The following SLC44A5 variants were observed in gnomAD, a reference collection of about 807,000 sequenced individuals.
SLC44A5 encodes the protein choline transporter-like protein 5.
A neutral mutation model predicts 101.8 loss-of-function variants in SLC44A5; 57 were observed. That is an observed-to-expected ratio of 0.56 (90% CI 0.45 to 0.70). SLC44A5 has a LOEUF of 0.70. Ranked by LOEUF, SLC44A5 falls within the 30% of genes least tolerant of loss-of-function variation. SLC44A5 has a pLI of 0.00. For missense variants in SLC44A5, 737 were observed against 853.1 expected, an observed-to-expected ratio of 0.86 and a Z score of 1.70; for synonymous variants, 281 against 290.9, an observed-to-expected ratio of 0.97 and a Z score of 0.35.
chr1:75,338,771 A>G (rs1657643428), intron 4 of SLC44A5, among the ~76,000 whole-genome samples: 1 of 152,236 alleles, frequency 6.6e-6, no homozygotes, highest in Non-Finnish European at 1.5e-5. Flanking sequence ...ACAGGGACAT[A>G]ACAGTAAATG....
At chr1:75,640,880 A>G in the SLC44A5 span, among the ~76,000 whole-genome samples, 1 of 152,218 alleles carries the variant, frequency 6.6e-6, no homozygotes, top group South Asian at 2.1e-4. Flanking sequence ...TTCAGAGTAC[A>G]TGAATTTTTT....
Position 75,247,221 on chromosome 1 carries a change from G to T in SLC44A5, c.345+3989C>A, listed in dbSNP as rs955207985. ...AATAGTTTGGCTCAGGGTACATTTT[G>T]GAGGGAGACCTAAGGAGAGCTCAAA... On this transcript the variant is annotated intron_variant, in intron 7 of 23. Coordinates refer to ENST00000370859, the MANE Select transcript of SLC44A5 (RefSeq NM_001130058.2). Among the ~76,000 whole-genome samples, 3 of 152,006 alleles carry T rather than the reference G, an allele frequency of 2.0e-5. No homozygotes were observed. The East Asian group carries it at 5.8e-4, about 29-fold the overall frequency.
chr1:75,283,600 T>A (rs910042627), intron 5 of SLC44A5, among the ~76,000 whole-genome samples: 1 of 152,170 alleles, frequency 6.6e-6, no homozygotes, highest in Non-Finnish European at 1.5e-5. Context: ...GTTTTTCTGA[T>A]GTTATATTCT....
At chr1:75,487,311 C>T (rs138456706) in intron 2 of SLC44A5, among the ~76,000 whole-genome samples, 2 of 152,180 alleles carry the variant, frequency 1.3e-5, no homozygotes, top group East Asian at 3.9e-4. Context: ...AAACTGGCAA[C>T]TCAGAAGTGA....
At chr1:75,709,154 G>A in the SLC44A5 span, among the ~76,000 whole-genome samples, 1 of 152,110 alleles carries the variant, frequency 6.6e-6, no homozygotes, top group East Asian at 1.9e-4. Flanking sequence ...CCTGGTTCCA[G>A]TCCATGACTC....
chr1:75,557,599 G>A (rs1672289671), intron 1 of SLC44A5, among the ~76,000 whole-genome samples: 1 of 152,022 alleles, frequency 6.6e-6, no homozygotes. Context: ...AGGAGGCAAG[G>A]TAGTTTTTAA....
At chr1:75,634,891 AT>A in the SLC44A5 span, among the ~76,000 whole-genome samples, 2 of 152,112 alleles carry the variant, frequency 1.3e-5, no homozygotes, top group African/African-American at 4.8e-5. Context: ...GTGGGAGAAA[AT>A]TTTCGCAACT....
At position 75,434,665 on chromosome 1, in the gene SLC44A5, C is replaced by T. The variant is rs529186036; in HGVS notation, c.14-38044G>A. On this transcript the variant is annotated intron_variant, in intron 2 of 23. Coordinates refer to ENST00000370859, the MANE Select transcript of SLC44A5 (RefSeq NM_001130058.2). ...GCCGGGTCCTAACCTACTGTTTTGC[C>T]TGATCTCCCTCCCACCTCACGCCTC... Among the ~76,000 whole-genome samples, 48 of 152,218 alleles carry T rather than the reference C, an allele frequency of 3.2e-4. No homozygotes were observed. In the South Asian group the frequency reaches 8.3e-3, roughly 26 times the overall value.
At chr1:75,342,762 GA>G (rs2101041587) in intron 3 of SLC44A5, among the ~76,000 whole-genome samples, 1 of 152,314 alleles carries the variant, frequency 6.6e-6, no homozygotes, top group East Asian at 1.9e-4. Context: ...CACCAAGTGA[GA>G]AAGTGGATTG....
the SLC44A5 span, among the ~76,000 whole-genome samples, chr1:75,699,390 T>C: frequency 1.3e-5 from 2 of 151,960 alleles, no homozygotes; most frequent in African/African-American, 2.4e-5. Context: ...GAATTTCATA[T>C]CCAGCCAAAC....
At chr1:75,428,676 T>C (rs1664447493) in intron 2 of SLC44A5, among the ~76,000 whole-genome samples, 1 of 152,174 alleles carries the variant, frequency 6.6e-6, no homozygotes, top group Non-Finnish European at 1.5e-5. Context: ...AAGATTTGTT[T>C]AGGAAAAAAT....
chr1:75,234,013 T>A lies in SLC44A5; in HGVS notation c.826A>T (p.Ile276Phe). 6.2e-7 allele frequency: 1 copy of A among 1,612,934 alleles called. No individual in the cohort carries two copies. Among genetic ancestry groups the A allele is most frequent in the Non-Finnish European group, 8.5e-7 (1 of 1,179,238 alleles). Residue 276 changes from isoleucine (I) to phenylalanine (F), a missense_variant, in exon 12 of 24, where the codon ATT becomes TTT. By Grantham distance (21) the Ile-to-Phe change is conservative (BLOSUM62 0). Transcript: ENST00000370859. ...TAACCTATAATTCCAATCACACCAA[T>A]CATGAAGACCCAGAAGAGGCATCCA... Reference protein sequence around the residue: ...IAGCLFWVFMIGVIGIIGYGI... With the variant: ...IAGCLFWVFMFGVIGIIGYGI...
At chr1:75,539,717 C>T (rs541042028) in intron 2 of SLC44A5, among the ~76,000 whole-genome samples, 18 of 152,284 alleles carry the variant, frequency 1.2e-4, no homozygotes, top group African/African-American at 4.3e-4. Context: ...CATTCATTAA[C>T]TTAAGGTCAA....
intron 12 of SLC44A5, among the ~76,000 whole-genome samples, chr1:75,233,647 A>G (rs760974501): frequency 6.6e-6 from 1 of 152,162 alleles, no homozygotes; most frequent in African/African-American, 2.4e-5. Context: ...GATCGGATAG[A>G]AACGTTAAAG....
intron 5 of SLC44A5, among the ~76,000 whole-genome samples, chr1:75,294,914 G>A (rs926942195): frequency 5.3e-5 from 8 of 152,074 alleles, no homozygotes; most frequent in African/African-American, 1.7e-4. Flanking sequence ...TAAAAAGTAA[G>A]AACTTTCAGT....
chr1:75,516,846 C>T (rs377148550), intron 2 of SLC44A5, among the ~76,000 whole-genome samples: 1 of 152,160 alleles, frequency 6.6e-6, no homozygotes, highest in Non-Finnish European at 1.5e-5. Context: ...ATTTTAAAAT[C>T]TATCATTTAA....
the SLC44A5 span, among the ~76,000 whole-genome samples, chr1:75,630,126 T>G: frequency 3.3e-5 from 5 of 152,140 alleles, no homozygotes; most frequent in Admixed American, 1.3e-4. Context: ...AGCACAGCTT[T>G]TGTGACAGCT....
the SLC44A5 span, among the ~76,000 whole-genome samples, chr1:75,625,219 T>C: frequency 1.3e-5 from 2 of 152,170 alleles, no homozygotes. Context: ...TTATGACTTG[T>C]TGTAATATTC....
At chr1:75,444,483 G>GAAGAAAGAAAGAAAAAGAAAGAAAGA (rs1553181289) in intron 2 of SLC44A5, among the ~76,000 whole-genome samples, 2 of 140,730 alleles carry the variant, frequency 1.4e-5, no homozygotes, top group African/African-American at 5.3e-5. Context: ...GAGAAAGAAA[G>GAAGAAAGAAAGAAAAAGAAAGAAAGA]AAGAAAGAAA....
Sources: allele counts gnomAD v4.1 joint callset (sites outside exome capture counted in the v4.1 genomes callset), GRCh38; gene constraint gnomAD v4.1.1; transcripts MANE v1.5; gene names NCBI Gene and HGNC (gene_info 2026-07-23, HGNC 2026-07-21).